Variants in PSD3 observed in about 807,000 individuals in gnomAD.
The protein encoded by PSD3 is PH and SEC7 domain-containing protein 3.
In PSD3, 49 loss-of-function variants were observed where a neutral mutation model predicts 105.5. That is an observed-to-expected ratio of 0.46 (90% CI 0.37 to 0.59). The LOEUF is 0.59. Ranked by LOEUF, PSD3 falls within the 20% of genes least tolerant of loss-of-function variation. The pLI, the probability that PSD3 is intolerant of heterozygous loss-of-function variation, is 0.00. For missense variants in PSD3, 1,561 were observed against 1,263.8 expected (o/e 1.24, Z -3.57); for synonymous variants, 557 against 457.8 (o/e 1.22, Z -2.77).
intron 14 of PSD3, among the ~76,000 whole-genome samples, chr8:18,567,652 C>T (rs1242205409): frequency 6.6e-6 from 1 of 152,100 alleles, no homozygotes; most frequent in African/African-American, 2.4e-5. Context: ...ACAGATTCTT[C>T]CTTCTTACTA....
intron 2 of PSD3, among the ~76,000 whole-genome samples, chr8:18,933,385 C>G: frequency 7.1e-6 from 1 of 141,292 alleles, no homozygotes; most frequent in South Asian, 2.3e-4. Flanking sequence ...TTTATTATAG[C>G]CAAAAAAAAA....
Position 19,013,703 on chromosome 8 carries a change from C to A in PSD3, c.-120G>T, listed in dbSNP as rs1182186491. On this transcript the variant is annotated 5_prime_UTR_variant, in exon 1 of 16. Coordinates refer to ENST00000327040, the MANE Select transcript of PSD3 (RefSeq NM_015310.4). ...CTCTTTGTTGAGCTCCCGGGACTGC[C>A]GAGAGGCGGCGGCCCGCGCGCACCC... 2.3e-6 allele frequency: 2 copies of A among 886,194 alleles called. No individual in the cohort carries two copies. The highest frequency in any genetic ancestry group is 4.9e-5 in the Admixed American group (1 of 20,310). The allele number at this position is 886,194 out of a possible 1,614,324, so 54.9% of individuals were successfully genotyped here.
chr8:18,850,550 A>C (rs886722409), intron 4 of PSD3, among the ~76,000 whole-genome samples: 3 of 152,234 alleles, frequency 2.0e-5, no homozygotes, highest in African/African-American at 7.2e-5. Context: ...CTCAGCTAGA[A>C]GTTCAGCCTC....
At chr8:18,747,261 G>A (rs148659409) in intron 9 of PSD3, among the ~76,000 whole-genome samples, 98 of 152,304 alleles carry the variant, frequency 6.4e-4, no homozygotes, top group African/African-American at 2.2e-3. Context: ...ACACTGGAAG[G>A]ATCCTTATAA....
At chr8:18,673,674 A>T (rs1299849232) in intron 9 of PSD3, among the ~76,000 whole-genome samples, 1 of 152,178 alleles carries the variant, frequency 6.6e-6, no homozygotes, top group African/African-American at 2.4e-5. Flanking sequence ...AGCAACTGAG[A>T]AAAAGTACAT....
At chr8:18,950,707 A>T (rs541812203) in intron 1 of PSD3, among the ~76,000 whole-genome samples, 1 of 152,144 alleles carries the variant, frequency 6.6e-6, no homozygotes, top group Non-Finnish European at 1.5e-5. Flanking sequence ...TACAACTATA[A>T]CTTATCAATT....
intron 9 of PSD3, among the ~76,000 whole-genome samples, chr8:18,676,072 A>G (rs1463210117): frequency 3.3e-5 from 5 of 152,122 alleles, no homozygotes; most frequent in Admixed American, 2.0e-4. Context: ...CTATCTTTAA[A>G]ATGCAAATAT....
chr8:18,565,735 T>C (rs1801698447), intron 14 of PSD3, among the ~76,000 whole-genome samples: 1 of 152,004 alleles, frequency 6.6e-6, no homozygotes, highest in African/African-American at 2.4e-5. Context: ...TGTGGGAGTA[T>C]GGGGAAAAAA....
intron 1 of PSD3, among the ~76,000 whole-genome samples, chr8:18,985,567 G>A (rs1220074389): frequency 1.3e-5 from 2 of 151,998 alleles, no homozygotes; most frequent in Admixed American, 6.5e-5. Context: ...AGATACTTGG[G>A]GACTTTATCA....
intron 9 of PSD3, among the ~76,000 whole-genome samples, chr8:18,720,617 G>T (rs1488831930): frequency 6.6e-6 from 1 of 152,132 alleles, no homozygotes; most frequent in South Asian, 2.1e-4. Flanking sequence ...GATTCTTACA[G>T]AAGTACATAC....
At position 18,596,744 on chromosome 8, in the gene PSD3, T is replaced by G. The variant is rs1310792263; in HGVS notation, c.2481+3620A>C. On this transcript the variant is annotated intron_variant, in intron 12 of 15. Coordinates refer to ENST00000327040, the MANE Select transcript of PSD3 (RefSeq NM_015310.4). ...AACCTAGAAGAAAGGGATAAATTAC[T>G]AGAAACCTACAATCTACCAAGATGA... Among the ~76,000 whole-genome samples, 3 of 149,520 alleles carry G rather than the reference T, an allele frequency of 2.0e-5. No individual in the cohort carries two copies. In the East Asian group the frequency reaches 5.8e-4, roughly 29 times the overall value.
At chr8:18,796,671 G>C (rs1297011444) in intron 8 of PSD3, among the ~76,000 whole-genome samples, 1 of 152,212 alleles carries the variant, frequency 6.6e-6, no homozygotes, top group African/African-American at 2.4e-5. Context: ...CAAGAGGGGA[G>C]TCAGACCTCC....
Position 18,728,446 on chromosome 8 carries a change from G to A in PSD3, c.2172+37003C>T, listed in dbSNP as rs542165283. ...CTTCTCAGAGGAAGGGACAGCTAAC[G>A]GAAGACTTGAAGGGTGAGTATGAGT... On this transcript the variant is annotated intron_variant, in intron 9 of 15. Coordinates refer to ENST00000327040, the MANE Select transcript of PSD3 (RefSeq NM_015310.4). Among the ~76,000 whole-genome samples the A allele has an allele frequency of 1.6e-4, 25 of 152,296 alleles. No individual in the cohort carries two copies. In the East Asian group the frequency reaches 3.7e-3, roughly 22 times the overall value.
chr8:18,867,714 T>C lies in PSD3; in HGVS notation c.1594A>G (p.Ile532Val). The C allele has an allele frequency of 2.5e-6, 4 of 1,613,640 alleles. No homozygotes were observed. The highest frequency in any genetic ancestry group is 3.4e-6 in the Non-Finnish European group (4 of 1,179,848). The stretch of plus-strand genomic sequence containing the variant: ...ATCTCCGGGGTGCCTTTCGTGTAGA[T>C]GGAGTCGCTGGCATCATTCAGCCCA... ...TNGLNDASDS[I>V]YTKGTPEIAF... Residue 532 changes from isoleucine (I) to valine (V), a missense_variant, in exon 4 of 16, where the codon ATC becomes GTC. Ile to Val is a conservative substitution (Grantham distance 29). Transcript: ENST00000327040.
intron 1 of PSD3, among the ~76,000 whole-genome samples, chr8:18,993,218 T>C (rs949064567): frequency 2.6e-5 from 4 of 152,198 alleles, no homozygotes; most frequent in Admixed American, 6.5e-5. Context: ...GATCATATTC[T>C]TTATTCCAAA....
At chr8:19,027,984 G>A (rs1827618948) in intron 1 of PSD3, among the ~76,000 whole-genome samples, 1 of 152,168 alleles carries the variant, frequency 6.6e-6, no homozygotes, top group Non-Finnish European at 1.5e-5. Context: ...GTTAATGCAT[G>A]TTTAACTTAA....
intron 9 of PSD3, among the ~76,000 whole-genome samples, chr8:18,744,261 T>G (rs1041484462): frequency 1.3e-5 from 2 of 152,204 alleles, no homozygotes; most frequent in Non-Finnish European, 2.9e-5. Context: ...GTAGGTATAT[T>G]TACTTTTCCC....
chr8:18,602,098 ATTTTTG>A (rs1804480571), intron 11 of PSD3, among the ~76,000 whole-genome samples: 1 of 152,162 alleles, frequency 6.6e-6, no homozygotes, highest in Non-Finnish European at 1.5e-5. Flanking sequence ...TGGAGAAAAT[ATTTTTG>A]TTTTTAACAG....
chr8:18,606,318 GC>G (rs1804826463), intron 11 of PSD3, among the ~76,000 whole-genome samples: 1 of 151,810 alleles, frequency 6.6e-6, no homozygotes, highest in South Asian at 2.1e-4. Context: ...GTACTGGTAG[GC>G]CACCTAGATC....
Sources: gnomAD v4.1 joint callset for allele counts (sites outside exome capture counted in the v4.1 genomes callset) on GRCh38, gnomAD v4.1.1 for gene constraint, MANE v1.5 for transcripts, NCBI Gene and HGNC (gene_info 2026-07-23, HGNC 2026-07-21) for gene names.